The following SLC16A14 variants were observed in gnomAD, a reference collection of about 807,000 sequenced individuals.
SLC16A14 encodes the protein monocarboxylate transporter 14.
Under a neutral mutation model 35.8 loss-of-function variants are expected in SLC16A14, and 14 were observed. The ratio of observed to expected loss-of-function variants is 0.39; its 90% CI spans 0.26 to 0.61. SLC16A14 has a LOEUF of 0.61. SLC16A14 is among the 20% of genes least tolerant of loss of function. The pLI is 0.51. For synonymous variants in SLC16A14, 248 were observed against 258.9 expected (o/e 0.96, Z 0.40); for missense variants, 533 against 655.0 (o/e 0.81, Z 2.03).
intron 1 of SLC16A14, among the ~76,000 whole-genome samples, chr2:230,064,022 G>A (rs1285305792): frequency 6.6e-6 from 1 of 151,904 alleles, no homozygotes; most frequent in Non-Finnish European, 1.5e-5. Flanking sequence ...GCTTGAGCCT[G>A]GGAGGTTCAG....
Position 230,046,738 on chromosome 2 carries a change from G to C in SLC16A14, c.404-16C>G, listed in dbSNP as rs778133325. 3.2e-6 allele frequency: 5 copies of C among 1,571,726 alleles called. No homozygotes were observed. Among genetic ancestry groups the C allele is most frequent in the Admixed American group, 1.8e-5 (1 of 56,454 alleles). On this transcript the variant is annotated splice_polypyrimidine_tract_variant and intron_variant, in intron 3 of 4. Transcript: ENST00000295190. This position sits in a 1 kb window ranked among gnomAD's most constrained non-coding sequence, Gnocchi z 5.0. ...CTGCCCAGGCCTGTACAGGCCGACG[G>C]GGGGAAGAAAAGACACAGTGCAACA... is the stretch of plus-strand genomic sequence containing the variant.
At position 230,059,248 on chromosome 2, in the gene SLC16A14, C is replaced by T; in HGVS notation, c.105G>A (p.Met35Ile). 3.1e-6 allele frequency: 5 copies of T among 1,614,222 alleles called. No homozygotes were observed. Among genetic ancestry groups the T allele is most frequent in the Non-Finnish European group, 4.2e-6 (5 of 1,180,032 alleles). Residue 35 changes from methionine (M) to isoleucine (I), a missense_variant, in exon 2 of 5, where the codon ATG becomes ATA. Physicochemically the swap from Met to Ile is conservative, Grantham distance 10. Coordinates refer to ENST00000295190, the MANE Select transcript of SLC16A14 (RefSeq NM_152527.5). Reference protein sequence around the residue: ...HPNIDGGWAWMMVLSSFFVHI... With the variant: ...HPNIDGGWAWIMVLSSFFVHI... ...GCACAAAGAAAGAGGAGAGCACCATCATCCAAGCCCATCCGCCATCAATGT... is the reference window on the plus strand; with the variant it reads ...GCACAAAGAAAGAGGAGAGCACCATTATCCAAGCCCATCCGCCATCAATGT...
intron 4 of SLC16A14, among the ~76,000 whole-genome samples, chr2:230,040,344 C>T (rs548905162): frequency 2.0e-5 from 3 of 152,092 alleles, no homozygotes; most frequent in South Asian, 4.2e-4. Context: ...CTCAGCCTCC[C>T]GAGTAGCTGG....
intron 4 of SLC16A14, among the ~76,000 whole-genome samples, chr2:230,045,060 C>T (rs2077592865): frequency 6.6e-6 from 1 of 152,094 alleles, no homozygotes; most frequent in Admixed American, 6.5e-5. Flanking sequence ...GGGGAAACAA[C>T]AACAGAAGAT....
rs116421504 is a variant in SLC16A14 at position 230,063,827 on chromosome 2, G to C, written c.-14-4461C>G. Among the ~76,000 whole-genome samples, 654 of 152,138 alleles carry C rather than the reference G, an allele frequency of 4.3e-3. 2 individuals are homozygous for C. Among genetic ancestry groups the C allele is most frequent in the African/African-American group, 0.015 (619 of 41,452 alleles). Reference sequence around the variant, plus strand: ...GAGAAATTTCCTCAATATGCCAGGTGTGGTGGCTCATGCCTGTAATCCCAG... The same window carrying C: ...GAGAAATTTCCTCAATATGCCAGGTCTGGTGGCTCATGCCTGTAATCCCAG... On this transcript the variant is annotated intron_variant, in intron 1 of 4. Transcript: ENST00000295190.
rs1228832665 is a variant in SLC16A14, at chr2:230,035,033, T to C, written c.*2347A>G. Reference sequence around the variant, plus strand: ...TGTATGTAAATAAAAATTACTTGGATACATGAGGGGAAAACGATAAAGCAC... The same window carrying C: ...TGTATGTAAATAAAAATTACTTGGACACATGAGGGGAAAACGATAAAGCAC... On this transcript the variant is annotated 3_prime_UTR_variant, in exon 5 of 5. Coordinates refer to ENST00000295190, the MANE Select transcript of SLC16A14 (RefSeq NM_152527.5). The C allele has an allele frequency of 6.6e-6, 1 of 152,194 alleles. No homozygotes were observed. Among genetic ancestry groups the C allele is most frequent in the Non-Finnish European group, 1.5e-5 (1 of 68,028 alleles). 9.4% of individuals were successfully genotyped at this position (152,194 alleles called of 1,614,324 possible). A position where few individuals can be genotyped will look rare whatever the true frequency, so the allele number is the denominator to read the frequency against.
Position 230,036,690 on chromosome 2 carries a change from G to A in SLC16A14, c.*690C>T, listed in dbSNP as rs1234142111. 6.6e-6 allele frequency: 1 copy of A among 152,144 alleles called. No homozygotes were observed. The highest frequency in any genetic ancestry group is 1.5e-5 in the Non-Finnish European group (1 of 68,010). 9.4% of individuals were successfully genotyped at this position (152,144 alleles called of 1,614,324 possible). On this transcript the variant is annotated 3_prime_UTR_variant, in exon 5 of 5. Coordinates refer to ENST00000295190, the MANE Select transcript of SLC16A14 (RefSeq NM_152527.5). ...AGGAAATCATTACTGTTATTTCTTTGTTAAGGTTTTGTCTCAAGATTCCAT... is the reference window on the plus strand; with the variant it reads ...AGGAAATCATTACTGTTATTTCTTTATTAAGGTTTTGTCTCAAGATTCCAT...
At chr2:230,065,363 T>C (rs1184396358) in intron 1 of SLC16A14, among the ~76,000 whole-genome samples, 1 of 152,134 alleles carries the variant, frequency 6.6e-6, no homozygotes, top group African/African-American at 2.4e-5. Context: ...TTTAAGCGAT[T>C]CTCCTGTCTC....
intron 1 of SLC16A14, among the ~76,000 whole-genome samples, chr2:230,061,843 G>A (rs1159173694): frequency 6.6e-6 from 1 of 151,310 alleles, no homozygotes. Context: ...CTGGGTTCAA[G>A]CAATTCTCAT....
chr2:230,067,052 G>A (rs1007203338), intron 1 of SLC16A14: 2 of 171,602 alleles, frequency 1.2e-5, no homozygotes, highest in South Asian at 2.4e-4. Context: ...TACGCAGAGC[G>A]TGGTGGTAGC....
intron 3 of SLC16A14, among the ~76,000 whole-genome samples, chr2:230,049,220 C>G (rs962416731): frequency 6.9e-6 from 1 of 144,394 alleles, no homozygotes; most frequent in Admixed American, 7.3e-5. Flanking sequence ...CAGGCAGGTG[C>G]CACCGCACTT....
At chr2:230,062,057 G>A (rs2106278454) in intron 1 of SLC16A14, among the ~76,000 whole-genome samples, 1 of 152,118 alleles carries the variant, frequency 6.6e-6, no homozygotes, top group African/African-American at 2.4e-5. Context: ...CTTTAAAATT[G>A]AAATATATTC....
chr2:230,043,638 C>G (rs148426354), intron 4 of SLC16A14, among the ~76,000 whole-genome samples: 100 of 152,370 alleles, frequency 6.6e-4, no homozygotes, highest in African/African-American at 2.4e-3. Context: ...CACAAAACCT[C>G]TAGCAGCTCT....
intron 2 of SLC16A14, among the ~76,000 whole-genome samples, chr2:230,055,946 A>G (rs762982202): frequency 3.9e-5 from 6 of 152,250 alleles, no homozygotes; most frequent in Non-Finnish European, 8.8e-5. Flanking sequence ...TAGAATTACA[A>G]CTGACGTAAA....
chr2:230,066,053 C>T (rs1420145641), intron 1 of SLC16A14, among the ~76,000 whole-genome samples: 1 of 152,018 alleles, frequency 6.6e-6, no homozygotes, highest in Non-Finnish European at 1.5e-5. Context: ...GCCTGTAATC[C>T]CAGCACTTTG....
intron 1 of SLC16A14, 139 bp from the exon 2 acceptor site, chr2:230,059,505 A>G: frequency 3.1e-6 from 2 of 644,566 alleles, no homozygotes; most frequent in Non-Finnish European, 5.2e-6. Context: ...CTTTGTCACC[A>G]TACAGATTTG....
chr2:230,053,512 G>A (rs1018571780), intron 2 of SLC16A14, among the ~76,000 whole-genome samples: 1 of 152,138 alleles, frequency 6.6e-6, no homozygotes, highest in Non-Finnish European at 1.5e-5. Flanking sequence ...GCCAGGTGTG[G>A]TGGTTCACAC....
intron 3 of SLC16A14, 116 bp downstream of exon 3, chr2:230,049,645 G>C (rs4358112): frequency 0.92 from 996,349 of 1,086,854 alleles, 457,959 homozygotes; most frequent in East Asian, 0.99. Context: ...GGTGAAGTGG[G>C]GGGGAGGAAA....
At chr2:230,044,736 G>GTGTT (rs575463088) in intron 4 of SLC16A14, among the ~76,000 whole-genome samples, 1 of 107,034 alleles carries the variant, frequency 9.3e-6, no homozygotes, top group East Asian at 2.8e-4. Flanking sequence ...GTGTGTGTGT[G>GTGTT]TATGTGTGTG....
Sources: gnomAD v4.1 joint callset for allele counts (sites outside exome capture counted in the v4.1 genomes callset) on GRCh38, gnomAD v4.1.1 for gene constraint, Gnocchi (gnomAD v3.1) non-coding constraint, MANE v1.5 for transcripts, NCBI Gene and HGNC (gene_info 2026-07-23, HGNC 2026-07-21) for gene names.